The following IPO11 variants were observed in gnomAD, a reference collection of about 807,000 sequenced individuals.
The protein encoded by IPO11 is importin 11.
A neutral mutation model predicts 143.2 loss-of-function variants in IPO11; 66 were observed. That is an observed-to-expected ratio of 0.46 (90% CI 0.38 to 0.57). The LOEUF (loss-of-function observed/expected upper bound fraction) is 0.57, where lower values mean the gene tolerates loss of function less well. IPO11 is among the 20% of genes least tolerant of loss of function. The probability of loss-of-function intolerance (pLI) is 0.00; values close to 1 mark genes in which losing one functional copy is unlikely to be tolerated. For missense variants in IPO11, 1,026 were observed against 1,141.0 expected (o/e 0.90, Z 1.45); for synonymous variants, 385 against 377.8 (o/e 1.02, Z -0.22).
intron 21 of IPO11, among the ~76,000 whole-genome samples, chr5:62,528,334 C>T (rs377069909): frequency 2.0e-4 from 30 of 152,168 alleles, no homozygotes; most frequent in Admixed American, 3.3e-4. Context: ...GGGTTTTCAC[C>T]GGAGTGGTAA....
chr5:62,591,954 A>C (rs1745040627), intron 28 of IPO11, among the ~76,000 whole-genome samples: 1 of 152,136 alleles, frequency 6.6e-6, no homozygotes, highest in Admixed American at 6.5e-5. Flanking sequence ...GGTTCAAGTG[A>C]TTCTCTTGCC....
intron 20 of IPO11, among the ~76,000 whole-genome samples, chr5:62,525,060 C>T (rs558075574): frequency 1.0e-3 from 158 of 152,278 alleles, no homozygotes; most frequent in African/African-American, 3.6e-3. Flanking sequence ...TTCTCTTCTT[C>T]TTCCATCTTT....
chr5:62,508,345 G>A (rs1052524114), intron 19 of IPO11, among the ~76,000 whole-genome samples: 10 of 139,430 alleles, frequency 7.2e-5, no homozygotes, highest in East Asian at 2.1e-4. Flanking sequence ...ATGTGGTTTC[G>A]CCATTTTGGC....
At chr5:62,469,434 A>G (rs780749523) in intron 6 of IPO11, among the ~76,000 whole-genome samples, 1 of 152,174 alleles carries the variant, frequency 6.6e-6, no homozygotes, top group Non-Finnish European at 1.5e-5. Flanking sequence ...AATTTAATCC[A>G]TTGCCTTTAG....
chr5:62,553,806 GC>G (rs1307393114), intron 26 of IPO11, among the ~76,000 whole-genome samples: 2 of 152,082 alleles, frequency 1.3e-5, no homozygotes, highest in Admixed American at 6.6e-5. Context: ...AGGCTGGAGT[GC>G]AGTGGCACGA....
intron 3 of IPO11, among the ~76,000 whole-genome samples, chr5:62,445,579 A>G (rs892737182): frequency 8.6e-5 from 13 of 151,964 alleles, no homozygotes; most frequent in East Asian, 1.9e-4. Context: ...CAACCATTCT[A>G]TTTTTCACTT....
At chr5:62,562,576 A>T (rs896454463) in intron 27 of IPO11, among the ~76,000 whole-genome samples, 1 of 152,146 alleles carries the variant, frequency 6.6e-6, no homozygotes, top group Non-Finnish European at 1.5e-5. Flanking sequence ...TCAGGCAGTA[A>T]TGCTTGCTTG....
At chr5:62,440,314 T>G (rs1469172839) in intron 2 of IPO11, among the ~76,000 whole-genome samples, 1 of 151,698 alleles carries the variant, frequency 6.6e-6, no homozygotes, top group Non-Finnish European at 1.5e-5. Context: ...TATTTAGACA[T>G]GATTTTCTAA....
chr5:62,518,167 C>A (rs1437469853), intron 20 of IPO11, among the ~76,000 whole-genome samples: 3 of 149,378 alleles, frequency 2.0e-5, no homozygotes, highest in African/African-American at 7.4e-5. Flanking sequence ...AAAATTTGGC[C>A]AGGCGCAGTG....
intron 16 of IPO11, among the ~76,000 whole-genome samples, chr5:62,502,584 C>G (rs1045625080): frequency 6.6e-6 from 1 of 152,152 alleles, no homozygotes; most frequent in African/African-American, 2.4e-5. Context: ...CATCTTAATT[C>G]ATTTCACCTT....
rs201339228 is a variant in IPO11, at chr5:62,506,329, C to G, written c.1754C>G (p.Ser585Cys). 6.2e-7 allele frequency: 1 copy of G among 1,606,670 alleles called. No homozygotes were observed. Among genetic ancestry groups the G allele is most frequent in the South Asian group, 1.1e-5 (1 of 90,614 alleles). The change falls in exon 19 of 30, where the codon TCT becomes TGT. Residue 585 changes from serine to cysteine, a missense_variant. By Grantham distance (112) the Ser-to-Cys change is moderately radical. Transcript: ENST00000325324. ...AAGATGCATGTTTTGCATGTCCTTT[C>G]TTGTGTGATCGAAAGAGTCAACATG... Reference protein sequence around the residue: ...DTKMHVLHVLSCVIERVNMQI... With the variant: ...DTKMHVLHVLCCVIERVNMQI...
Position 62,616,719 on chromosome 5 carries a change from CAAAAA to C in IPO11, c.2764-10413_2764-10409del, listed in dbSNP as rs538760503. Among the ~76,000 whole-genome samples the C allele has an allele frequency of 7.5e-3, 636 of 84,386 alleles. 5 individuals are homozygous for C. The highest frequency in any genetic ancestry group is 0.013 in the Middle Eastern group (2 of 160). The allele number at this position is 84,386 out of a possible 152,430, so 55.4% of individuals were successfully genotyped here. A position where few individuals can be genotyped will look rare whatever the true frequency, so the allele number is the denominator to read the frequency against. On this transcript the variant is annotated intron_variant, in intron 29 of 29. Transcript: ENST00000325324. ...TGGGGCACAGGGTGAGACTCTGACT[CAAAAA>C]AAAAAAAAAAAAAAAAAAAAATCAG...
At chr5:62,452,550 G>A (rs2112163129) in intron 5 of IPO11, among the ~76,000 whole-genome samples, 1 of 151,062 alleles carries the variant, frequency 6.6e-6, no homozygotes, top group South Asian at 2.1e-4. Context: ...GAGGAGAATT[G>A]ATACGTCTGG....
intron 12 of IPO11, among the ~76,000 whole-genome samples, chr5:62,486,201 C>T (rs1309595853): frequency 3.3e-5 from 5 of 151,896 alleles, no homozygotes; most frequent in Admixed American, 6.6e-5. Flanking sequence ...AGGTTGGTCT[C>T]GATCTCCTGA....
chr5:62,542,058 A>G (rs1248428541), intron 24 of IPO11, among the ~76,000 whole-genome samples: 2 of 150,838 alleles, frequency 1.3e-5, no homozygotes, highest in Non-Finnish European at 2.9e-5. Flanking sequence ...TCTCTTTTTT[A>G]TTTCTTTTTA....
At chr5:62,544,603 C>A (rs1430358372) in intron 24 of IPO11, among the ~76,000 whole-genome samples, 1 of 152,080 alleles carries the variant, frequency 6.6e-6, no homozygotes, top group African/African-American at 2.4e-5. Flanking sequence ...CTGGCCAGGG[C>A]AATCAGGTAG....
At chr5:62,535,008 A>G (rs911273893) in intron 22 of IPO11, among the ~76,000 whole-genome samples, 1 of 133,320 alleles carries the variant, frequency 7.5e-6, no homozygotes, top group Non-Finnish European at 1.6e-5. Context: ...AAGGCTATGT[A>G]TAATATTAAT....
intron 2 of IPO11, among the ~76,000 whole-genome samples, chr5:62,439,641 C>CA (rs1168517960): frequency 6.6e-6 from 1 of 150,778 alleles, no homozygotes; most frequent in Non-Finnish European, 1.5e-5. Flanking sequence ...TGGCTGGTGT[C>CA]AAACTCCTGG....
At chr5:62,414,961 C>T (rs937236108) in intron 1 of IPO11, among the ~76,000 whole-genome samples, 3 of 152,164 alleles carry the variant, frequency 2.0e-5, no homozygotes, top group Admixed American at 1.3e-4. Context: ...AGATTTATAA[C>T]CCAGATTCCA....
Sources: allele counts gnomAD v4.1 joint callset (sites outside exome capture counted in the v4.1 genomes callset), GRCh38; gene constraint gnomAD v4.1.1; transcripts MANE v1.5; gene names NCBI Gene and HGNC (gene_info 2026-07-23, HGNC 2026-07-21).